SMARCA2: variants seen among roughly 807,000 people sequenced by gnomAD.
SMARCA2 encodes SWI/SNF-related matrix-associated actin-dependent regulator of chromatin subfamily A member 2.
A neutral mutation model predicts 199.8 loss-of-function variants in SMARCA2; 61 were observed. The ratio of observed to expected loss-of-function variants is 0.31; its 90% CI spans 0.25 to 0.38. SMARCA2 has a LOEUF of 0.38. Ranked by LOEUF, SMARCA2 falls within the 10% of genes least tolerant of loss-of-function variation. The pLI, the probability that SMARCA2 is intolerant of heterozygous loss-of-function variation, is 1.00. For synonymous variants in SMARCA2, 935 were observed against 732.0 expected (o/e 1.28, Z -4.48); for missense variants, 1,344 against 2,012.2 (o/e 0.67, Z 6.35).
At chr9:2,159,836 G>C (rs559064348) in intron 27 of SMARCA2, 4 of 1,611,716 alleles carry the variant, frequency 2.5e-6, no homozygotes, top group East Asian at 2.2e-5. Context: ...CTAGCAGCTC[G>C]CTGCTTTGCT....
At chr9:2,102,817 T>C (rs76209402) in intron 22 of SMARCA2, among the ~76,000 whole-genome samples, 3,155 of 152,246 alleles carry the variant, frequency 0.021, 92 homozygotes, top group African/African-American at 0.072. Flanking sequence ...CTAAAACCCA[T>C]TGATGACTTT....
chr9:2,087,035 A>G lies in SMARCA2; in HGVS notation c.2733A>G (p.Gln911=), dbSNP rs146829604. The change falls in exon 18 of 34, where the codon CAA becomes CAG. Residue 911 remains glutamine, a synonymous_variant. Transcript: ENST00000349721. ...TIFKSCSTFE[Q]WFNAPFAMTG... ...TTAAGAGCTGCAGCACATTTGAACA[A>G]TGGTTCAATGCTCCATTTGCCATGA... 6.9e-4 allele frequency: 1,108 copies of G among 1,614,084 alleles called. 7 individuals are homozygous for G. In the African/African-American group the frequency reaches 0.013, roughly 19 times the overall value.
At chr9:2,037,098 A>T (rs774812170) in intron 3 of SMARCA2, among the ~76,000 whole-genome samples, 41 of 152,324 alleles carry the variant, frequency 2.7e-4, no homozygotes, top group Non-Finnish European at 3.5e-4. Flanking sequence ...CTCTTATGGT[A>T]GACTCAGTGC....
intron 25 of SMARCA2, among the ~76,000 whole-genome samples, chr9:2,116,800 A>G (rs1052304376): frequency 6.6e-6 from 1 of 152,256 alleles, no homozygotes; most frequent in African/African-American, 2.4e-5. Context: ...ACTACAGAAT[A>G]TCAGCAGAAG....
chr9:2,082,350 T>TGTGTGTGTGTGA (rs370220959), intron 15 of SMARCA2, among the ~76,000 whole-genome samples: 20 of 140,740 alleles, frequency 1.4e-4, no homozygotes, highest in East Asian at 4.1e-4. Flanking sequence ...TGTGTGTGTG[T>TGTGTGTGTGTGA]GATTTCTTTG....
At chr9:2,036,431 G>A (rs545080297) in intron 3 of SMARCA2, among the ~76,000 whole-genome samples, 2 of 152,258 alleles carry the variant, frequency 1.3e-5, no homozygotes, top group South Asian at 4.1e-4. Context: ...TCATCCTACA[G>A]ACCAATGTAT....
In SMARCA2 at chr9:2,034,774, T is replaced by A. The variant is rs547412791; in HGVS notation, c.355+1693T>A. Among the ~76,000 whole-genome samples the A allele has an allele frequency of 3.9e-4, 60 of 152,264 alleles. 1 individual carries two copies. The South Asian group carries it at 8.7e-3, about 22-fold the overall frequency. On this transcript the variant is annotated intron_variant, in intron 3 of 33. Coordinates refer to ENST00000349721, the MANE Select transcript of SMARCA2 (RefSeq NM_003070.5). Reference sequence around the variant, plus strand: ...CCTCCCCACTAGTATTTGAACAGGCTTTTGAACATCCCAGACTCTTATCTG... The same window carrying A: ...CCTCCCCACTAGTATTTGAACAGGCATTTGAACATCCCAGACTCTTATCTG...
intron 27 of SMARCA2, among the ~76,000 whole-genome samples, chr9:2,155,505 A>T (rs183637617): frequency 6.6e-6 from 1 of 151,848 alleles, no homozygotes; most frequent in Non-Finnish European, 1.5e-5. Context: ...CTGGTCTCGA[A>T]CTCCTGACCT....
At chr9:2,164,554 T>C (rs1238460106) in intron 28 of SMARCA2, among the ~76,000 whole-genome samples, 1 of 152,180 alleles carries the variant, frequency 6.6e-6, no homozygotes, top group Non-Finnish European at 1.5e-5. Flanking sequence ...TCATTATTAA[T>C]AATCAGCCTT....
At chr9:2,187,401 T>C (rs2129957418) in intron 32 of SMARCA2, among the ~76,000 whole-genome samples, 1 of 152,234 alleles carries the variant, frequency 6.6e-6, no homozygotes, top group South Asian at 2.1e-4. Context: ...GTGAGGCATG[T>C]TGGCTCACAA....
chr9:2,040,012 A>T, intron 4 of SMARCA2, 112 bp downstream of exon 4: 1 of 1,526,620 alleles, frequency 6.6e-7, no homozygotes, highest in East Asian at 2.3e-5. Context: ...GCCTTTTGTT[A>T]TACCTCACTG....
At chr9:2,135,806 G>A (rs1343704058) in intron 27 of SMARCA2, among the ~76,000 whole-genome samples, 2 of 152,064 alleles carry the variant, frequency 1.3e-5, no homozygotes, top group African/African-American at 4.8e-5. Flanking sequence ...GCCTCCCAAA[G>A]TGCTGGGATT....
Position 2,032,975 on chromosome 9 carries a change from G to A in SMARCA2, c.249G>A (p.Lys83=). The A allele has an allele frequency of 6.2e-7, 1 of 1,613,838 alleles. No individual in the cohort carries two copies. Among genetic ancestry groups the A allele is most frequent in the Non-Finnish European group, 8.5e-7 (1 of 1,179,740 alleles). ...AGCCCATCGATGGTATACATGACAA[G>A]GGGATTGTAGAAGACATCCATTGTG... ...MHKPIDGIHD[K]GIVEDIHCGS... is the part of the protein sequence containing the mutation. The change falls in exon 3 of 34, where the codon AAG becomes AAA. Residue 83 remains lysine, a synonymous_variant. Coordinates refer to ENST00000349721, the MANE Select transcript of SMARCA2 (RefSeq NM_003070.5).
intron 9 of SMARCA2, 103 bp downstream of exon 9, chr9:2,061,089 G>C: frequency 9.0e-7 from 1 of 1,111,222 alleles, no homozygotes; most frequent in Non-Finnish European, 1.3e-6. Flanking sequence ...ACTGGTGGAA[G>C]GTTTAGATGA....
chr9:2,160,017 C>T lies in SMARCA2; in HGVS notation c.3982-1669C>T, dbSNP rs548796565. ...CCGGTGTTCTCCGTATTTCTGTGTG[C>T]AACTGGGTGCTTGAGGAGAGCAATA... On this transcript the variant is annotated intron_variant, in intron 27 of 33. Transcript: ENST00000349721. 8 of 1,457,060 alleles carry T rather than the reference C, an allele frequency of 5.5e-6. No homozygotes were observed. In the East Asian group the frequency reaches 1.2e-4, roughly 23 times the overall value. The allele number at this position is 1,457,060 out of a possible 1,614,324, so 90.3% of individuals were successfully genotyped here. A position where few individuals can be genotyped will look rare whatever the true frequency, so the allele number is the denominator to read the frequency against.
Position 2,086,948 on chromosome 9 carries a change from C to T in SMARCA2, c.2646C>T (p.Thr882=). Residue 882 remains threonine, a synonymous_variant, in exon 18 of 34, where the codon ACC becomes ACT. Coordinates refer to ENST00000349721, the MANE Select transcript of SMARCA2 (RefSeq NM_003070.5). The surrounding 1 kb of genome is among the most constrained non-coding windows in gnomAD (Gnocchi z 4.3). ...CCAGAAGGATCCTCTTGACTGGGAC[C>T]CCGCTGCAGAATAAGCTCCCTGAAC... is the stretch of plus-strand genomic sequence containing the variant. ...VAPRRILLTG[T]PLQNKLPELW... is the part of the protein sequence containing the mutation. 1 of 1,614,118 alleles carries T rather than the reference C, an allele frequency of 6.2e-7. No individual in the cohort carries two copies. The highest frequency in any genetic ancestry group is 8.5e-7 in the Non-Finnish European group (1 of 1,180,000).
At chr9:2,141,005 T>G (rs531543578) in intron 27 of SMARCA2, among the ~76,000 whole-genome samples, 1 of 152,162 alleles carries the variant, frequency 6.6e-6, no homozygotes, top group South Asian at 2.1e-4. Flanking sequence ...CCTTTGGTAT[T>G]TCACAGGCTG....
In SMARCA2 at chr9:2,119,702, T is replaced by C. The variant is rs1379554756; in HGVS notation, c.3762+167T>C. 6.6e-6 allele frequency among the ~76,000 whole-genome samples: 1 copy of C among 152,196 alleles called. No individual in the cohort carries two copies. The highest frequency in any genetic ancestry group is 6.5e-5 in the Admixed American group (1 of 15,276). Reference sequence around the variant, plus strand: ...TGGCTGGAGTTAGCCTGCAGACATATTTTGTTTGGCCCACGCAGCGTTTTT... The same window carrying C: ...TGGCTGGAGTTAGCCTGCAGACATACTTTGTTTGGCCCACGCAGCGTTTTT... On this transcript the variant is annotated intron_variant, in intron 26 of 33. Transcript: ENST00000349721. This position sits in a 1 kb window ranked among gnomAD's most constrained non-coding sequence, Gnocchi z 4.6.
chr9:2,185,598 T>A (rs888863914), intron 31 of SMARCA2, among the ~76,000 whole-genome samples: 1 of 152,208 alleles, frequency 6.6e-6, no homozygotes. Flanking sequence ...TTTGAACTTA[T>A]ATCTTTCAGC....
Sources: allele counts gnomAD v4.1 joint callset (sites outside exome capture counted in the v4.1 genomes callset), GRCh38; gene constraint gnomAD v4.1.1; non-coding constraint Gnocchi (gnomAD v3.1); transcripts MANE v1.5; gene names NCBI Gene and HGNC (gene_info 2026-07-23, HGNC 2026-07-21).